Variants in DOCK4 observed in about 807,000 individuals in gnomAD.
DOCK4 encodes the protein dedicator of cytokinesis 4, also known as dedicator of cytokinesis protein 4.
DOCK4 carries 97 observed loss-of-function variants against 268.1 expected under a neutral mutation model. That is an observed-to-expected ratio of 0.36 (90% CI 0.31 to 0.43). DOCK4 has a LOEUF of 0.43. Ranked by LOEUF, DOCK4 falls within the 20% of genes least tolerant of loss-of-function variation. The pLI is 1.00. For missense variants in DOCK4, 2,145 were observed against 2,455.7 expected (o/e 0.87, Z 2.67); for synonymous variants, 954 against 887.2 (o/e 1.08, Z -1.34).
intron 20 of DOCK4, among the ~76,000 whole-genome samples, chr7:111,869,975 A>G (rs1043758150): frequency 6.6e-6 from 1 of 152,182 alleles, no homozygotes; most frequent in Non-Finnish European, 1.5e-5. Context: ...TGTGAGTGCC[A>G]TGGTCAATAC....
chr7:111,790,341 A>C, intron 31 of DOCK4, 116 bp downstream of exon 31: 1 of 1,276,126 alleles, frequency 7.8e-7, no homozygotes, highest in Non-Finnish European at 1.1e-6. Flanking sequence ...CCAGGCTGGA[A>C]TCTAGGTCTG....
intron 1 of DOCK4, among the ~76,000 whole-genome samples, chr7:112,152,137 C>T (rs1266206474): frequency 3.9e-5 from 6 of 152,108 alleles, no homozygotes; most frequent in Non-Finnish European, 8.8e-5. Context: ...TATAAAGGCA[C>T]ATGCTCAACT....
At chr7:112,079,503 C>G (rs1808390870) in intron 1 of DOCK4, among the ~76,000 whole-genome samples, 1 of 152,092 alleles carries the variant, frequency 6.6e-6, no homozygotes, top group South Asian at 2.1e-4. Context: ...ATGAAGTATA[C>G]TTTTAAATTT....
chr7:111,745,959 A>T (rs1796236977), intron 44 of DOCK4, among the ~76,000 whole-genome samples: 1 of 152,088 alleles, frequency 6.6e-6, no homozygotes, highest in East Asian at 1.9e-4. Context: ...ATATAAAATG[A>T]CCTTCAGGCT....
At chr7:111,743,498 A>T (rs189684448) in intron 44 of DOCK4, among the ~76,000 whole-genome samples, 5 of 152,114 alleles carry the variant, frequency 3.3e-5, no homozygotes, top group Non-Finnish European at 7.4e-5. Flanking sequence ...ATGAGGCATA[A>T]AGGGAGAGGC....
intron 13 of DOCK4, among the ~76,000 whole-genome samples, chr7:111,905,285 G>A (rs1446225221): frequency 6.6e-6 from 1 of 152,224 alleles, no homozygotes; most frequent in Non-Finnish European, 1.5e-5. Flanking sequence ...GCACCCGTGT[G>A]AAAAGCTATT....
Position 111,728,254 on chromosome 7 carries a change from C to T in DOCK4, c.*20G>A. On this transcript the variant is annotated 3_prime_UTR_variant, in exon 53 of 53. Coordinates refer to ENST00000428084, the MANE Select transcript of DOCK4 (RefSeq NM_001363540.2). ...TTGTAAACGGGCAAAGAATGCATCGCAGGTACATAGAAAAGTGACTTATAA... is the reference window on the plus strand; with the variant it reads ...TTGTAAACGGGCAAAGAATGCATCGTAGGTACATAGAAAAGTGACTTATAA... 3 of 1,461,952 alleles carry T rather than the reference C, an allele frequency of 2.1e-6. No homozygotes were observed. The highest frequency in any genetic ancestry group is 2.7e-6 in the Non-Finnish European group (3 of 1,104,898). The allele number at this position is 1,461,952 out of a possible 1,614,324, so 90.6% of individuals were successfully genotyped here.
At chr7:111,790,421 ACT>A (rs1344180177) in intron 31 of DOCK4, 34 bp downstream of exon 31, 1 of 1,605,034 alleles carries the variant, frequency 6.2e-7, no homozygotes, top group Non-Finnish European at 8.5e-7. Flanking sequence ...GAGAGCTGAA[ACT>A]CTTCCAACTC....
intron 39 of DOCK4, among the ~76,000 whole-genome samples, chr7:111,764,272 G>T (rs1797635835): frequency 6.6e-6 from 1 of 152,172 alleles, no homozygotes; most frequent in Non-Finnish European, 1.5e-5. Context: ...ACAATAAAGT[G>T]AAATCTTTCT....
rs558256626 is a variant in DOCK4, at chr7:112,175,613, G to A, written c.37+30489C>T. ...AAAACTCTCATATTTTTTTTCAGCTGGATTGATTTATATTTGTTATTTGTT... is the reference window on the plus strand; with the variant it reads ...AAAACTCTCATATTTTTTTTCAGCTAGATTGATTTATATTTGTTATTTGTT... On this transcript the variant is annotated intron_variant, in intron 1 of 52. Transcript: ENST00000428084. Among the ~76,000 whole-genome samples the A allele has an allele frequency of 2.6e-5, 4 of 151,646 alleles. No individual in the cohort carries two copies. The South Asian group carries it at 8.3e-4, about 32-fold the overall frequency.
chr7:111,934,099 T>G (rs1339306996), intron 12 of DOCK4, among the ~76,000 whole-genome samples: 1 of 152,208 alleles, frequency 6.6e-6, no homozygotes, highest in Non-Finnish European at 1.5e-5. Context: ...AACAACACAT[T>G]CAGTTCAAGA....
chr7:111,736,851 A>T, intron 50 of DOCK4, 66 bp downstream of exon 50: 11 of 1,396,332 alleles, frequency 7.9e-6, no homozygotes, highest in Non-Finnish European at 1.1e-5. Flanking sequence ...CACACAGAAG[A>T]CTGGAGAACA....
intron 1 of DOCK4, among the ~76,000 whole-genome samples, chr7:112,120,132 C>G (rs1812603055): frequency 6.6e-6 from 1 of 152,166 alleles, no homozygotes; most frequent in African/African-American, 2.4e-5. Context: ...CAAGATTGCT[C>G]TTTTTAATAA....
intron 31 of DOCK4, 135 bp downstream of exon 31, chr7:111,790,322 G>A: frequency 1.0e-6 from 1 of 998,926 alleles, no homozygotes; most frequent in Non-Finnish European, 1.4e-6. Flanking sequence ...TGGCTTGGGA[G>A]TGGATAGGCC....
At position 111,968,752 on chromosome 7, in the gene DOCK4, C is replaced by T. The variant is rs1251540595; in HGVS notation, c.701+8380G>A. ...TATAAATCATGCTGCTATAAAGACA[C>T]ATGCACACGTATGTTTATTGCGGCA... On this transcript the variant is annotated intron_variant, in intron 8 of 52. Coordinates refer to ENST00000428084, the MANE Select transcript of DOCK4 (RefSeq NM_001363540.2). Among the ~76,000 whole-genome samples the T allele has an allele frequency of 7.4e-5, 8 of 107,532 alleles. 2 individuals carry two copies. Among genetic ancestry groups the T allele is most frequent in the African/African-American group, 4.1e-4 (8 of 19,672 alleles). 70.5% of individuals were successfully genotyped at this position (107,532 alleles called of 152,430 possible). A position where few individuals can be genotyped will look rare whatever the true frequency, so the allele number is the denominator to read the frequency against.
chr7:111,746,402 C>G lies in DOCK4; in HGVS notation c.4609G>C (p.Glu1537Gln). 6.2e-7 allele frequency: 1 copy of G among 1,610,812 alleles called. No individual in the cohort carries two copies. Among genetic ancestry groups the G allele is most frequent in the Non-Finnish European group, 8.5e-7 (1 of 1,178,240 alleles). ...SRYQEAFFVK[E>Q]YILSHPEDGE... ...TCTTCAGGGTGACTTAAGATATATT[C>G]TTTGACAAAGAATGCCTAGTAAGGG... Residue 1537 changes from glutamate to glutamine, a missense_variant, in exon 44 of 53, where the codon GAA (glutamate) becomes CAA (glutamine). Glu to Gln is a conservative substitution (Grantham distance 29, BLOSUM62 2). Transcript: ENST00000428084.
At chr7:111,753,684 A>G (rs138367489) in intron 42 of DOCK4, among the ~76,000 whole-genome samples, 212 of 152,332 alleles carry the variant, frequency 1.4e-3, no homozygotes, top group Non-Finnish European at 2.4e-3. Context: ...ATGTATTTGT[A>G]TTGAGCACCT....
chr7:112,189,677 C>A (rs936284915), intron 1 of DOCK4, among the ~76,000 whole-genome samples: 1 of 150,788 alleles, frequency 6.6e-6, no homozygotes, highest in East Asian at 2.0e-4. Flanking sequence ...TGAAATTCAG[C>A]GGTTGGTGGT....
At chr7:111,889,214 G>GA (rs773114693) in intron 16 of DOCK4, among the ~76,000 whole-genome samples, 7 of 152,126 alleles carry the variant, frequency 4.6e-5, no homozygotes, top group Non-Finnish European at 1.0e-4. Context: ...AAATGTTGCA[G>GA]ATGTTTTTTA....
Sources: allele counts gnomAD v4.1 joint callset (sites outside exome capture counted in the v4.1 genomes callset), GRCh38; gene constraint gnomAD v4.1.1; transcripts MANE v1.5; gene names NCBI Gene and HGNC (gene_info 2026-07-23, HGNC 2026-07-21).